PCSK5: variants seen among roughly 807,000 people sequenced by gnomAD.
PCSK5 encodes proprotein convertase subtilisin/kexin type 5, also known as prohormone convertase 5.
A neutral mutation model predicts 233.2 loss-of-function variants in PCSK5; 129 were observed. That is an observed-to-expected ratio of 0.55 (90% CI 0.48 to 0.64). The LOEUF (loss-of-function observed/expected upper bound fraction) is 0.64, where lower values mean the gene tolerates loss of function less well. Among genes scored for constraint, PCSK5 ranks in the 30% least tolerant of loss-of-function variants. The pLI is 0.00. For synonymous variants in PCSK5, 825 were observed against 879.2 expected (o/e 0.94, Z 1.09); for missense variants, 2,076 against 2,430.1 (o/e 0.85, Z 3.06).
Position 76,227,494 on chromosome 9 carries a change from G to T in PCSK5, c.2627-9G>T. The T allele has an allele frequency of 6.3e-7, 1 of 1,597,826 alleles. No homozygotes were observed. Among genetic ancestry groups the T allele is most frequent in the Non-Finnish European group, 8.6e-7 (1 of 1,168,090 alleles). On this transcript the variant is annotated splice_polypyrimidine_tract_variant and intron_variant, in intron 20 of 37. Coordinates refer to ENST00000674117, the MANE Select transcript of PCSK5 (RefSeq NM_001372043.1). ...GAAATGAAATAAACAACTAGATTTT[G>T]TTCCCCAGGAGAATATGTTGATGAG... is the stretch of plus-strand genomic sequence containing the variant.
chr9:76,360,714 C>G lies in PCSK5; in HGVS notation c.*1792C>G, dbSNP rs556179307. On this transcript the variant is annotated 3_prime_UTR_variant, in exon 38 of 38. Transcript: ENST00000674117. ...CATTAGGCTTTCTTGGCCAGAAAGT[C>G]TCTGTCATAACCACTCAGCTCTGCT... 3.5e-4 allele frequency: 53 copies of G among 152,268 alleles called. No individual in the cohort carries two copies. The highest frequency in any genetic ancestry group is 1.2e-3 in the African/African-American group (50 of 41,542). 9.4% of individuals were successfully genotyped at this position (152,268 alleles called of 1,614,324 possible).
intron 7 of PCSK5, among the ~76,000 whole-genome samples, chr9:76,091,470 A>T (rs1302675777): frequency 6.6e-6 from 1 of 152,122 alleles, no homozygotes; most frequent in African/African-American, 2.4e-5. Context: ...AAATATAGTC[A>T]CATTGGTCTT....
At chr9:75,922,467 A>G (rs569296760) in intron 1 of PCSK5, among the ~76,000 whole-genome samples, 34 of 152,268 alleles carry the variant, frequency 2.2e-4, no homozygotes, top group African/African-American at 7.9e-4. Context: ...AGCTTGTTAC[A>G]TGAGAAAAAA....
At position 76,169,633 on chromosome 9, in the gene PCSK5, C is replaced by T. The variant is rs189441875; in HGVS notation, c.1620-71C>T. The T allele has an allele frequency of 9.9e-4, 1,457 of 1,467,580 alleles. 2 individuals carry two copies. The highest frequency in any genetic ancestry group is 1.3e-3 in the Non-Finnish European group (1,341 of 1,057,756). The allele number at this position is 1,467,580 out of a possible 1,614,324, so 90.9% of individuals were successfully genotyped here. On this transcript the variant is annotated intron_variant, in intron 12 of 37. Coordinates refer to ENST00000674117, the MANE Select transcript of PCSK5 (RefSeq NM_001372043.1). The stretch of plus-strand genomic sequence containing the variant: ...TGCTAATGGATACAAAAAACAGTGT[C>T]GATTGTGGTATTAACTAGACCCTCA...
intron 10 of PCSK5, among the ~76,000 whole-genome samples, chr9:76,151,189 G>A (rs1296257719): frequency 6.6e-6 from 1 of 152,126 alleles, no homozygotes; most frequent in Non-Finnish European, 1.5e-5. Context: ...TTCAGAGCAG[G>A]TGGTTCAGCA....
intron 5 of PCSK5, among the ~76,000 whole-genome samples, chr9:76,047,796 A>G (rs1418334847): frequency 6.6e-6 from 1 of 152,194 alleles, no homozygotes; most frequent in Admixed American, 6.5e-5. Context: ...CTTTGTTTGT[A>G]ATAATAAAAG....
intron 1 of PCSK5, among the ~76,000 whole-genome samples, chr9:75,904,345 G>A (rs1460581390): frequency 6.6e-6 from 1 of 152,168 alleles, no homozygotes; most frequent in Non-Finnish European, 1.5e-5. Context: ...TGAAGAAAGT[G>A]AAAGGACAAC....
At chr9:76,238,455 G>A (rs1826319202) in intron 22 of PCSK5, among the ~76,000 whole-genome samples, 1 of 152,192 alleles carries the variant, frequency 6.6e-6, no homozygotes, top group Non-Finnish European at 1.5e-5. Context: ...TGGCAGCTCT[G>A]CAGAAATTCA....
intron 1 of PCSK5, among the ~76,000 whole-genome samples, chr9:75,925,560 A>G (rs1161520109): frequency 6.6e-6 from 1 of 152,224 alleles, no homozygotes; most frequent in East Asian, 1.9e-4. Flanking sequence ...AAAATAAATC[A>G]GGGTATGGGG....
intron 1 of PCSK5, among the ~76,000 whole-genome samples, chr9:75,922,676 T>G (rs931564266): frequency 6.6e-6 from 1 of 152,134 alleles, no homozygotes; most frequent in Admixed American, 6.5e-5. Context: ...GAAGGAAGGA[T>G]TTCTGCATCC....
At chr9:75,989,762 G>A (rs1826685708) in intron 3 of PCSK5, among the ~76,000 whole-genome samples, 1 of 152,172 alleles carries the variant, frequency 6.6e-6, no homozygotes, top group Non-Finnish European at 1.5e-5. Context: ...AAGAGATCGT[G>A]TTGGAAGTAG....
At chr9:76,160,505 A>G (rs981403975) in intron 12 of PCSK5, among the ~76,000 whole-genome samples, 3 of 152,136 alleles carry the variant, frequency 2.0e-5, no homozygotes, top group African/African-American at 7.2e-5. Flanking sequence ...ATATAGTTCA[A>G]ATGAAAGTCA....
chr9:76,120,168 T>A (rs918060790), intron 9 of PCSK5, among the ~76,000 whole-genome samples: 1 of 152,146 alleles, frequency 6.6e-6, no homozygotes, highest in East Asian at 1.9e-4. Flanking sequence ...CCCAATGTCA[T>A]TTGTTAAGTA....
At chr9:76,322,509 G>A (rs1829237241) in intron 31 of PCSK5, among the ~76,000 whole-genome samples, 1 of 151,954 alleles carries the variant, frequency 6.6e-6, no homozygotes, top group Non-Finnish European at 1.5e-5. Context: ...GTATTCTCTT[G>A]GTGTGACCTC....
intron 5 of PCSK5, among the ~76,000 whole-genome samples, chr9:76,042,225 A>C (rs1329532426): frequency 6.6e-6 from 1 of 152,268 alleles, no homozygotes; most frequent in Non-Finnish European, 1.5e-5. Flanking sequence ...TGGATAAAAA[A>C]CCTAAAACAA....
intron 3 of PCSK5, among the ~76,000 whole-genome samples, chr9:76,017,692 C>G (rs1465401947): frequency 6.6e-6 from 1 of 152,084 alleles, no homozygotes; most frequent in Non-Finnish European, 1.5e-5. Flanking sequence ...ACTGAATAAT[C>G]ATCCTCTGAA....
intron 2 of PCSK5, among the ~76,000 whole-genome samples, chr9:75,944,880 C>T (rs145198441): frequency 0.3 from 46,104 of 151,862 alleles, 7,225 homozygotes; most frequent in East Asian, 0.48. Flanking sequence ...GAGGCCTAGG[C>T]AGGCGGATCA....
chr9:76,175,905 C>A (rs1051208424), intron 14 of PCSK5, among the ~76,000 whole-genome samples: 1 of 151,928 alleles, frequency 6.6e-6, no homozygotes, highest in South Asian at 2.1e-4. Flanking sequence ...TACAGTAATC[C>A]TCTTATCTCC....
In PCSK5 at chr9:76,079,599, G is replaced by GT. The variant is rs573278769; in HGVS notation, c.894+7702dup. Among the ~76,000 whole-genome samples the GT allele has an allele frequency of 1.6e-4, 25 of 152,270 alleles. 1 individual carries two copies. In the East Asian group the frequency reaches 4.6e-3, roughly 28 times the overall value. On this transcript the variant is annotated intron_variant, in intron 7 of 37. Coordinates refer to ENST00000674117, the MANE Select transcript of PCSK5 (RefSeq NM_001372043.1). ...TTCAGGGTTTTCCAAGTCTAGAATC[G>GT]TATCATCAGCAAGGAGAAATAGTTT...
Sources: gnomAD v4.1 joint callset for allele counts (sites outside exome capture counted in the v4.1 genomes callset) on GRCh38, gnomAD v4.1.1 for gene constraint, MANE v1.5 for transcripts, NCBI Gene and HGNC (gene_info 2026-07-23, HGNC 2026-07-21) for gene names.